The following PXT1 variants were observed in gnomAD, a reference collection of about 807,000 sequenced individuals.
PXT1 encodes peroxisomal testis-specific protein 1.
PXT1 carries 11 observed loss-of-function variants against 11.0 expected under a neutral mutation model. The ratio of observed to expected loss-of-function variants is 1.00; its 90% CI spans 0.63 to 1.66. The LOEUF (loss-of-function observed/expected upper bound fraction) is 1.66. Ranked by LOEUF, PXT1 falls within the 40% of genes most tolerant of loss-of-function variation. The probability of loss-of-function intolerance (pLI) is 0.00; values close to 1 mark genes in which losing one functional copy is unlikely to be tolerated. For synonymous variants in PXT1, 43 were observed against 51.4 expected (o/e 0.84, Z 0.70); for missense variants, 141 against 155.5 (o/e 0.91, Z 0.49).
chr6:36,431,018 G>A (rs183217072), intron 2 of PXT1, among the ~76,000 whole-genome samples: 2 of 152,044 alleles, frequency 1.3e-5, no homozygotes, highest in African/African-American at 4.8e-5. Context: ...GTTTCACCAT[G>A]TTGGCCAGGC....
chr6:36,416,088 A>T (rs900461307), intron 3 of PXT1, among the ~76,000 whole-genome samples: 5 of 152,034 alleles, frequency 3.3e-5, no homozygotes, highest in Admixed American at 6.6e-5. Flanking sequence ...CAATCCCAGC[A>T]CTTTGGGAGG....
intron 3 of PXT1, among the ~76,000 whole-genome samples, chr6:36,413,055 G>GAAACAGAGGAGGAAATGATCA (rs1774397520): frequency 6.6e-6 from 1 of 152,158 alleles, no homozygotes; most frequent in Non-Finnish European, 1.5e-5. Flanking sequence ...CAGGGAGGGT[G>GAAACAGAGGAGGAAATGATCA]AAACAGAGGA....
chr6:36,409,824 TGGAAGGAAGGAAGGAA>T (rs201849950), intron 3 of PXT1, among the ~76,000 whole-genome samples: 25 of 97,576 alleles, frequency 2.6e-4, no homozygotes, highest in Admixed American at 1.1e-3. Context: ...AGACCCTGTC[TGGAAGGAAGGAAGGAA>T]GGAAGGAAGG....
intron 3 of PXT1, among the ~76,000 whole-genome samples, chr6:36,404,410 G>A (rs1374222256): frequency 6.6e-6 from 1 of 151,986 alleles, no homozygotes; most frequent in African/African-American, 2.4e-5. Flanking sequence ...CTACTGTGCC[G>A]CCAATCACTC....
At chr6:36,396,303 T>A (rs1050855118) in intron 4 of PXT1, among the ~76,000 whole-genome samples, 4 of 152,176 alleles carry the variant, frequency 2.6e-5, no homozygotes, top group South Asian at 2.1e-4. Flanking sequence ...CCCAGCCCCT[T>A]CTGAGTTGGG....
intron 2 of PXT1, 120 bp from the exon 3 acceptor site, chr6:36,426,211 T>C (rs1371554731): frequency 3.1e-6 from 2 of 649,106 alleles, no homozygotes; most frequent in Non-Finnish European, 5.0e-6. Context: ...AAGAGAGTTA[T>C]GGATTGGGGT....
chr6:36,395,458 A>C (rs1774129874), intron 4 of PXT1, among the ~76,000 whole-genome samples: 1 of 150,818 alleles, frequency 6.6e-6, no homozygotes, highest in Non-Finnish European at 1.5e-5. Context: ...ACTTTGAAGC[A>C]GCAAAGCCTT....
intron 2 of PXT1, among the ~76,000 whole-genome samples, chr6:36,432,089 T>A (rs1021913083): frequency 6.6e-6 from 1 of 152,070 alleles, no homozygotes; most frequent in African/African-American, 2.4e-5. Flanking sequence ...AAATATTTTT[T>A]AAAAAGTATA....
intron 3 of PXT1, among the ~76,000 whole-genome samples, chr6:36,402,658 C>CA (rs1561925855): frequency 6.6e-6 from 1 of 152,138 alleles, no homozygotes; most frequent in East Asian, 1.9e-4. Context: ...CAGGACATTC[C>CA]AGGCAGAAGG....
In PXT1 at chr6:36,400,505, G is replaced by A. The variant is rs767827803; in HGVS notation, c.249C>T (p.Ala83=). 22 of 1,613,832 alleles carry A rather than the reference G, an allele frequency of 1.4e-5. No individual in the cohort carries two copies. The African/African-American group carries it at 2.8e-4, about 21-fold the overall frequency. Residue 83 remains alanine, a synonymous_variant, in exon 4 of 5, where the codon GCC becomes GCT. Transcript: ENST00000454782. The part of the protein sequence containing the change: ...HHQEEIIHKL[A]MQLRHIGDNI... ...TGTCCCCAATGTGTCTCAGCTGCATGGCCAACTTGTGAATTATTTCCTCCT... is the reference window on the plus strand; with the variant it reads ...TGTCCCCAATGTGTCTCAGCTGCATAGCCAACTTGTGAATTATTTCCTCCT...
intron 4 of PXT1, chr6:36,393,572 A>T (rs1774102067): frequency 6.6e-6 from 1 of 152,204 alleles, no homozygotes; most frequent in Non-Finnish European, 1.5e-5. Flanking sequence ...TCTACTAAAA[A>T]TACAAAAATA....
chr6:36,430,509 G>A (rs971749242), intron 2 of PXT1, among the ~76,000 whole-genome samples: 1 of 152,166 alleles, frequency 6.6e-6, no homozygotes, highest in African/African-American at 2.4e-5. Context: ...ATGTGACAAT[G>A]GAAGCAGAGG....
At chr6:36,428,047 T>C (rs1292549191) in intron 2 of PXT1, among the ~76,000 whole-genome samples, 2 of 152,176 alleles carry the variant, frequency 1.3e-5, no homozygotes, top group African/African-American at 4.8e-5. Flanking sequence ...GCATTTTAAC[T>C]GGACTCATTA....
At chr6:36,431,566 G>A (rs78045255) in intron 2 of PXT1, among the ~76,000 whole-genome samples, 3,653 of 152,206 alleles carry the variant, frequency 0.024, 47 homozygotes, top group Non-Finnish European at 0.027. Context: ...CAGGAGTTCA[G>A]GAACAGCCTG....
chr6:36,400,398 T>C (rs1168545788), intron 4 of PXT1, 56 bp downstream of exon 4: 9 of 1,598,832 alleles, frequency 5.6e-6, no homozygotes, highest in African/African-American at 1.3e-5. Flanking sequence ...AGCCGTAGTT[T>C]TGTTTGCTCT....
At chr6:36,428,730 T>A (rs902185673) in intron 2 of PXT1, among the ~76,000 whole-genome samples, 1 of 148,374 alleles carries the variant, frequency 6.7e-6, no homozygotes, top group African/African-American at 2.5e-5. Context: ...ATGCTAATTA[T>A]ATTTTTCATC....
intron 3 of PXT1, among the ~76,000 whole-genome samples, chr6:36,419,691 G>A (rs1774496416): frequency 1.3e-5 from 2 of 152,202 alleles, no homozygotes; most frequent in Admixed American, 6.5e-5. Context: ...AGGGTTGTAT[G>A]AAAAAGGCTG....
intron 3 of PXT1, among the ~76,000 whole-genome samples, chr6:36,413,423 AAT>A (rs1774403371): frequency 2.6e-5 from 3 of 117,096 alleles, no homozygotes; most frequent in Non-Finnish European, 6.3e-5. Context: ...TCTCAAAAAA[AAT>A]AAGAAAGAAA....
chr6:36,437,843 A>AGATG (rs1774789854), intron 2 of PXT1, among the ~76,000 whole-genome samples: 1 of 34,176 alleles, frequency 2.9e-5, no homozygotes. Flanking sequence ...TTTTTTTTTT[A>AGATG]GAGTCTTGCT....
Sources: allele counts gnomAD v4.1 joint callset (sites outside exome capture counted in the v4.1 genomes callset), GRCh38; gene constraint gnomAD v4.1.1; transcripts MANE v1.5; gene names NCBI Gene and HGNC (gene_info 2026-07-23, HGNC 2026-07-21).